Variants in CCDC146 observed in about 807,000 individuals in gnomAD.
CCDC146 encodes the protein coiled-coil domain containing 146.
A neutral mutation model predicts 119.3 loss-of-function variants in CCDC146; 92 were observed. That is an observed-to-expected ratio of 0.77 (90% confidence interval 0.65 to 0.92). CCDC146 has a LOEUF of 0.92. CCDC146 is among the 40% of genes least tolerant of loss of function. The pLI, the probability that CCDC146 is intolerant of heterozygous loss-of-function variation, is 0.00. For missense variants in CCDC146, 1,000 were observed against 1,103.0 expected (o/e 0.91, Z 1.32); for synonymous variants, 372 against 371.8 (o/e 1.00, Z -0.01).
intron 1 of CCDC146, among the ~76,000 whole-genome samples, chr7:77,138,358 A>G (rs10271697): frequency 0.022 from 3,255 of 151,060 alleles, 119 homozygotes; most frequent in African/African-American, 0.073. Context: ...ATCTAAACAC[A>G]GTTCTTCCAC....
chr7:77,198,199 C>A, intron 2 of CCDC146: 1 of 985,402 alleles, frequency 1.0e-6, no homozygotes, highest in Non-Finnish European at 1.2e-6. Context: ...CAATAGAGGT[C>A]CTTGAAAATA....
At chr7:77,199,955 C>T (rs1791956425) in intron 2 of CCDC146, 8 of 720,524 alleles carry the variant, frequency 1.1e-5, no homozygotes, top group South Asian at 6.7e-5. Context: ...CCTCATCAAA[C>T]GCAGTTTGCC....
chr7:77,182,943 T>C (rs1283747370), intron 2 of CCDC146, among the ~76,000 whole-genome samples: 1 of 152,060 alleles, frequency 6.6e-6, no homozygotes, highest in Non-Finnish European at 1.5e-5. Context: ...CCCTGCTCTG[T>C]ACAGATAATT....
intron 14 of CCDC146, among the ~76,000 whole-genome samples, chr7:77,282,018 G>C (rs186931016): frequency 6.6e-6 from 1 of 152,146 alleles, no homozygotes; most frequent in Non-Finnish European, 1.5e-5. Flanking sequence ...CATTCAAGGA[G>C]GGGTCTTTCT....
intron 9 of CCDC146, among the ~76,000 whole-genome samples, chr7:77,271,312 C>T (rs528554658): frequency 6.6e-6 from 1 of 151,360 alleles, no homozygotes; most frequent in South Asian, 2.1e-4. Context: ...GCCTCCCAGC[C>T]TACATCTTTC....
At chr7:77,154,355 G>A (rs918390475) in intron 1 of CCDC146, among the ~76,000 whole-genome samples, 1 of 151,634 alleles carries the variant, frequency 6.6e-6, no homozygotes, top group Non-Finnish European at 1.5e-5. Context: ...TGTGCACAAC[G>A]TGCAGGTTTG....
At chr7:77,201,420 G>A (rs1458245436) in intron 2 of CCDC146, among the ~76,000 whole-genome samples, 1 of 151,880 alleles carries the variant, frequency 6.6e-6, no homozygotes, top group African/African-American at 2.4e-5. Flanking sequence ...CAGGTATGGT[G>A]GCGTGTGCCT....
intron 2 of CCDC146, among the ~76,000 whole-genome samples, chr7:77,215,031 T>C (rs1792269954): frequency 6.6e-6 from 1 of 152,158 alleles, no homozygotes; most frequent in African/African-American, 2.4e-5. Flanking sequence ...ACTTATTTAT[T>C]AGAATCCTTC....
chr7:77,286,562 A>G (rs955298790), intron 15 of CCDC146, among the ~76,000 whole-genome samples: 2 of 152,184 alleles, frequency 1.3e-5, no homozygotes, highest in African/African-American at 4.8e-5. Flanking sequence ...TATGACCCAG[A>G]AGGCACTGCC....
intron 1 of CCDC146, among the ~76,000 whole-genome samples, chr7:77,131,959 T>C (rs1391175067): frequency 1.3e-5 from 2 of 152,244 alleles, no homozygotes; most frequent in Non-Finnish European, 2.9e-5. Context: ...GGGAAAGAAC[T>C]GTTCTGCATC....
chr7:77,236,065 C>T (rs1259911110), intron 2 of CCDC146, among the ~76,000 whole-genome samples: 1 of 33,568 alleles, frequency 3.0e-5, no homozygotes, highest in Non-Finnish European at 1.9e-4. Context: ...AGTGAGACTC[C>T]GTCATAAATA....
chr7:77,218,210 T>C (rs562101570), intron 2 of CCDC146, among the ~76,000 whole-genome samples: 1 of 152,200 alleles, frequency 6.6e-6, no homozygotes, highest in African/African-American at 2.4e-5. Context: ...AGCACATGAC[T>C]GTATGTAGGT....
At position 77,260,030 on chromosome 7, in the gene CCDC146, T is replaced by C. The variant is rs1284342443; in HGVS notation, c.780T>C (p.Ile260=). Reference sequence around the variant, plus strand: ...ACAGAGAAATGGAAAAGAAAAAAATTGTCTTGGAACAAGAAGTCAAAACGC... The same window carrying C: ...ACAGAGAAATGGAAAAGAAAAAAATCGTCTTGGAACAAGAAGTCAAAACGC... The part of the protein sequence containing the change: ...RKKVEMEKKK[I]VLEQEVKTLN... Residue 260 remains isoleucine (I), a synonymous_variant, in exon 8 of 19, where the codon ATT becomes ATC. Coordinates refer to ENST00000285871, the MANE Select transcript of CCDC146 (RefSeq NM_020879.3). 3 of 1,603,702 alleles carry C rather than the reference T, an allele frequency of 1.9e-6. No individual in the cohort carries two copies. The highest frequency in any genetic ancestry group is 4.5e-5 in the East Asian group (2 of 44,566).
chr7:77,244,577 G>A (rs750368275), intron 4 of CCDC146, among the ~76,000 whole-genome samples: 9 of 152,152 alleles, frequency 5.9e-5, no homozygotes, highest in Admixed American at 1.3e-4. Flanking sequence ...TACTCAGTCC[G>A]GTAACCTGCT....
At chr7:77,260,367 T>A in intron 8 of CCDC146, 131 bp downstream of exon 8, 5 of 627,246 alleles carry the variant, frequency 8.0e-6, no homozygotes, top group Non-Finnish European at 1.3e-5. Context: ...ACTTTTACCC[T>A]TAATATATTA....
intron 9 of CCDC146, among the ~76,000 whole-genome samples, chr7:77,271,478 T>TA (rs5885014): frequency 0.29 from 10,940 of 38,148 alleles, 1,229 homozygotes; most frequent in East Asian, 0.63. Context: ...CCCTTTTTAT[T>TA]TTATATATAT....
At chr7:77,282,816 G>T in intron 15 of CCDC146, 31 bp downstream of exon 15, 1 of 1,487,352 alleles carries the variant, frequency 6.7e-7, no homozygotes, top group Admixed American at 1.8e-5. Context: ...CACTTCCTCA[G>T]ACCATTTATT....
chr7:77,201,646 A>G (rs770129023), intron 2 of CCDC146, among the ~76,000 whole-genome samples: 5 of 152,262 alleles, frequency 3.3e-5, no homozygotes, highest in Admixed American at 6.5e-5. Context: ...TTCTTCCCAA[A>G]TAAATTTGTC....
intron 1 of CCDC146, among the ~76,000 whole-genome samples, chr7:77,141,379 A>G (rs1790931214): frequency 6.6e-6 from 1 of 152,212 alleles, no homozygotes; most frequent in African/African-American, 2.4e-5. Flanking sequence ...CAATAAATAT[A>G]CATGTGCCTG....
Sources: gnomAD v4.1 joint callset for allele counts (sites outside exome capture counted in the v4.1 genomes callset) on GRCh38, gnomAD v4.1.1 for gene constraint, MANE v1.5 for transcripts, NCBI Gene and HGNC (gene_info 2026-07-23, HGNC 2026-07-21) for gene names.